SPATA7: variants seen among roughly 807,000 people sequenced by gnomAD.
SPATA7 encodes the protein spermatogenesis associated 7.
Under a neutral mutation model 51.8 loss-of-function variants are expected in SPATA7, and 43 were observed. The observed-to-expected ratio is 0.83, with a 90% confidence interval of 0.65 to 1.07. SPATA7 has a LOEUF of 1.07. Among genes scored for constraint, SPATA7 ranks in the 50% least tolerant of loss-of-function variants. SPATA7 has a pLI of 0.00. For missense variants in SPATA7, 683 were observed against 701.3 expected (o/e 0.97, Z 0.30); for synonymous variants, 230 against 252.8 (o/e 0.91, Z 0.86).
At chr14:88,435,130 G>A (rs1237648449) in intron 10 of SPATA7, among the ~76,000 whole-genome samples, 1 of 152,058 alleles carries the variant, frequency 6.6e-6, no homozygotes, top group African/African-American at 2.4e-5. Flanking sequence ...TCTTTAAAAT[G>A]GTTTTTACAC....
chr14:88,452,536 G>A (rs1167581429), intron 3 of SPATA7, among the ~76,000 whole-genome samples: 1 of 152,138 alleles, frequency 6.6e-6, no homozygotes, highest in African/African-American at 2.4e-5. Flanking sequence ...GTCCCGCAGA[G>A]CCTACAGCAG....
At chr14:88,433,486 G>A (rs1416505818) in intron 10 of SPATA7, among the ~76,000 whole-genome samples, 1 of 152,032 alleles carries the variant, frequency 6.6e-6, no homozygotes, top group African/African-American at 2.4e-5. Context: ...ACTAGTGAAG[G>A]AAGATCTTTA....
Position 88,391,473 on chromosome 14 carries a change from A to T in SPATA7, c.94+18A>T. 1 of 1,606,732 alleles carries T rather than the reference A, an allele frequency of 6.2e-7. No individual in the cohort carries two copies. The highest frequency in any genetic ancestry group is 1.3e-5 in the African/African-American group (1 of 74,864). ...AAGTAATGGTAAGTGAGGTGCTTAA[A>T]ACGGCAGCTTTGTTAGAAGATTGTC... On this transcript the variant is annotated intron_variant, in intron 2 of 11. Transcript: ENST00000393545.
chr14:88,397,998 C>T (rs1288839252), intron 4 of SPATA7, among the ~76,000 whole-genome samples: 2 of 151,760 alleles, frequency 1.3e-5, no homozygotes, highest in East Asian at 3.9e-4. Context: ...AGGAGAATGG[C>T]GTGAACCCGG....
At chr14:88,394,086 T>G (rs2075817791) in intron 3 of SPATA7, among the ~76,000 whole-genome samples, 1 of 152,214 alleles carries the variant, frequency 6.6e-6, no homozygotes, top group African/African-American at 2.4e-5. Flanking sequence ...AAAAGTATTT[T>G]GTGACCTGAA....
At chr14:88,407,547 T>G (rs1175531906) in intron 4 of SPATA7, among the ~76,000 whole-genome samples, 2 of 152,216 alleles carry the variant, frequency 1.3e-5, no homozygotes, top group African/African-American at 4.8e-5. Flanking sequence ...TTTTCTCCCA[T>G]TTTGTGGGTT....
intron 4 of SPATA7, among the ~76,000 whole-genome samples, chr14:88,463,285 TCAGA>T (rs2140064322): frequency 6.6e-6 from 1 of 152,248 alleles, no homozygotes; most frequent in Non-Finnish European, 1.5e-5. Context: ...CTGCCCCACT[TCAGA>T]CAGTTTCATT....
intron 11 of SPATA7, 42 bp from the exon 12 acceptor site, chr14:88,437,796 G>T: frequency 6.5e-7 from 1 of 1,538,316 alleles, no homozygotes; most frequent in South Asian, 1.3e-5. Context: ...AATTTAATTT[G>T]ACTCAATTAA....
At chr14:88,446,037 A>T (rs1450997268) in intron 3 of SPATA7, among the ~76,000 whole-genome samples, 2 of 152,066 alleles carry the variant, frequency 1.3e-5, no homozygotes, top group Admixed American at 6.5e-5. Flanking sequence ...TTTTCTATGG[A>T]TTGGAATAGT....
chr14:88,414,622 C>T (rs543166768), intron 4 of SPATA7: 3 of 378,476 alleles, frequency 7.9e-6, no homozygotes, highest in Non-Finnish European at 5.1e-6. Flanking sequence ...ATTCTACTTC[C>T]TCTAGTTGCA....
chr14:88,469,811 CAG>C lies in SPATA7; in HGVS notation c.255-34_255-33del. 1 of 1,600,754 alleles carries C rather than the reference CAG, an allele frequency of 6.2e-7. No individual in the cohort carries two copies. Among genetic ancestry groups the C allele is most frequent in the East Asian group, 2.2e-5 (1 of 44,800 alleles). ...TCTCACATAGACGGCACATCTGAAA[CAG>C]AACCACAACCCTACCCTGCCTTTTT... On this transcript the variant is annotated intron_variant, in intron 4 of 4. Coordinates refer to the SPATA7 transcript ENST00000556406. This position sits in a 1 kb window ranked among gnomAD's most constrained non-coding sequence, Gnocchi z 4.3.
intron 4 of SPATA7, chr14:88,468,273 G>A: frequency 6.3e-7 from 1 of 1,589,346 alleles, no homozygotes; most frequent in Non-Finnish European, 8.6e-7. Context: ...CACCTAGGTT[G>A]AGAGAAACGG....
intron 4 of SPATA7, among the ~76,000 whole-genome samples, chr14:88,411,484 C>T (rs2076339420): frequency 6.6e-6 from 1 of 152,138 alleles, no homozygotes; most frequent in Admixed American, 6.5e-5. Flanking sequence ...GCTTGAAACC[C>T]AGGGCCTTGG....
intron 10 of SPATA7, 36 bp downstream of exon 10, chr14:88,433,248 G>C (rs762301977): frequency 1.4e-6 from 2 of 1,381,776 alleles, no homozygotes; most frequent in South Asian, 2.3e-5. Context: ...TAATTCAGGA[G>C]TACATTAAAT....
At chr14:88,462,217 GGTCACA>G (rs2077322214) in intron 4 of SPATA7, among the ~76,000 whole-genome samples, 1 of 152,146 alleles carries the variant, frequency 6.6e-6, no homozygotes, top group Non-Finnish European at 1.5e-5. Context: ...CTCAGCATAT[GGTCACA>G]GTCTGACCTG....
At chr14:88,396,510 A>G (rs572765108) in intron 4 of SPATA7, among the ~76,000 whole-genome samples, 1 of 152,178 alleles carries the variant, frequency 6.6e-6, no homozygotes, top group Non-Finnish European at 1.5e-5. Context: ...GGTACCTTAT[A>G]TAAGTGGAAT....
chr14:88,400,145 G>A (rs1354359412), intron 4 of SPATA7, among the ~76,000 whole-genome samples: 3 of 152,018 alleles, frequency 2.0e-5, no homozygotes, highest in Non-Finnish European at 4.4e-5. Flanking sequence ...CAACCAGAAT[G>A]GAATAAAACT....
chr14:88,404,339 T>G (rs2139916646), intron 4 of SPATA7, among the ~76,000 whole-genome samples: 1 of 152,228 alleles, frequency 6.6e-6, no homozygotes, highest in East Asian at 1.9e-4. Flanking sequence ...GTTCCAAAAT[T>G]AACCTACATA....
intron 3 of SPATA7, among the ~76,000 whole-genome samples, chr14:88,393,921 T>C (rs143181654): frequency 2.6e-5 from 4 of 152,188 alleles, no homozygotes; most frequent in African/African-American, 7.2e-5. Context: ...TTTTGAAAAA[T>C]GAACACATTT....
Sources: allele counts gnomAD v4.1 joint callset (sites outside exome capture counted in the v4.1 genomes callset), GRCh38; gene constraint gnomAD v4.1.1; non-coding constraint Gnocchi (gnomAD v3.1); transcripts MANE v1.5; gene names NCBI Gene and HGNC (gene_info 2026-07-23, HGNC 2026-07-21).